The following ARID4B variants were observed in gnomAD, a reference collection of about 807,000 sequenced individuals.
ARID4B encodes the protein AT-rich interactive domain-containing protein 4B.
Under a neutral mutation model 147.5 loss-of-function variants are expected in ARID4B, and 26 were observed. The observed-to-expected ratio is 0.18, with a 90% CI of 0.13 to 0.24. The LOEUF is 0.24. Ranked by LOEUF, ARID4B falls within the 10% of genes least tolerant of loss-of-function variation. ARID4B has a pLI of 1.00. For missense variants in ARID4B, 1,179 were observed against 1,511.5 expected (o/e 0.78, Z 3.65); for synonymous variants, 512 against 507.9 (o/e 1.01, Z -0.11).
At chr1:235,311,819 C>G (rs1674074489) in intron 2 of ARID4B, among the ~76,000 whole-genome samples, 1 of 152,008 alleles carries the variant, frequency 6.6e-6, no homozygotes, top group Admixed American at 6.6e-5. Flanking sequence ...AAAACAGTAC[C>G]TACTGAATAC....
In ARID4B at chr1:235,208,769, G is replaced by A. The variant is rs907232750; in HGVS notation, c.1841+5000C>T. ...CAACCTCAGGTGATCCGCCCACCTC[G>A]GCCTCCCAAAGTGCTGGGATTACAG... On this transcript the variant is annotated intron_variant, in intron 17 of 23. Coordinates refer to ENST00000264183, the MANE Select transcript of ARID4B (RefSeq NM_016374.6). 3.9e-5 allele frequency among the ~76,000 whole-genome samples: 6 copies of A among 152,082 alleles called. No individual in the cohort carries two copies. The South Asian group carries it at 6.2e-4, about 16-fold the overall frequency.
intron 2 of ARID4B, among the ~76,000 whole-genome samples, chr1:235,282,775 TTTTATTTA>T (rs768251794): frequency 6.6e-6 from 1 of 152,044 alleles, no homozygotes; most frequent in Non-Finnish European, 1.5e-5. Flanking sequence ...TACTATTTAA[TTTTATTTA>T]TTTATTTATT....
intron 22 of ARID4B, 99 bp from the exon 23 acceptor site, chr1:235,172,863 C>G: frequency 1.0e-6 from 1 of 993,824 alleles, no homozygotes; most frequent in Non-Finnish European, 1.4e-6. Context: ...AAGGTTGAGG[C>G]AGATGAACTA....
In ARID4B at chr1:235,196,074, G is replaced by C; in HGVS notation, c.1883C>G (p.Ala628Gly). 6.2e-7 allele frequency: 1 copy of C among 1,600,038 alleles called. No homozygotes were observed. The stretch of plus-strand genomic sequence containing the variant: ...TTTTATCTTTGGCACATTTTTATCA[G>C]CAGGTCTTACTATTTTATCTGCTTT... ...WIKADKIVRP[A>G]DKNVPKIKHR... Residue 628 changes from alanine to glycine, a missense_variant, in exon 18 of 24, where the codon GCT becomes GGT. Transcript: ENST00000264183.
chr1:235,255,228 T>TATAG (rs1558250463), intron 5 of ARID4B, among the ~76,000 whole-genome samples: 3 of 100,658 alleles, frequency 3.0e-5, no homozygotes, highest in Non-Finnish European at 6.4e-5. Flanking sequence ...GCTAGATAGA[T>TATAG]AGATAGATAG....
chr1:235,255,837 C>T, intron 4 of ARID4B, 87 bp from the exon 5 acceptor site: 2 of 827,132 alleles, frequency 2.4e-6, no homozygotes, highest in East Asian at 2.8e-5. Context: ...TAACTGAGTG[C>T]ATGATGGTGA....
At chr1:235,210,218 C>G (rs180834742) in intron 17 of ARID4B, among the ~76,000 whole-genome samples, 71 of 152,122 alleles carry the variant, frequency 4.7e-4, no homozygotes, top group African/African-American at 1.6e-3. Flanking sequence ...GAACAAGGTC[C>G]TGTCTGTCTC....
chr1:235,296,868 A>AAAGAGGGAGGGAG (rs1553314013), intron 2 of ARID4B, among the ~76,000 whole-genome samples: 8 of 144,628 alleles, frequency 5.5e-5, no homozygotes, highest in East Asian at 2.0e-4. Context: ...GAAGGGAGAG[A>AAAGAGGGAGGGAG]GTACTTCCTG....
intron 2 of ARID4B, among the ~76,000 whole-genome samples, chr1:235,300,459 T>C (rs1673039880): frequency 6.6e-6 from 1 of 151,678 alleles, no homozygotes; most frequent in African/African-American, 2.4e-5. Context: ...AGGTCAAAAT[T>C]GAGTTCAACT....
chr1:235,212,808 C>G (rs1290234341), intron 17 of ARID4B, among the ~76,000 whole-genome samples: 1 of 152,100 alleles, frequency 6.6e-6, no homozygotes, highest in African/African-American at 2.4e-5. Flanking sequence ...TTGCAACACT[C>G]AAACACAGAA....
Position 235,172,691 on chromosome 1 carries a change from A to C in ARID4B, c.3738T>G (p.His1246Gln). 1.2e-6 allele frequency: 2 copies of C among 1,607,612 alleles called. No homozygotes were observed. The highest frequency in any genetic ancestry group is 8.5e-7 in the Non-Finnish European group (1 of 1,177,208). Residue 1246 changes from histidine (H) to glutamine (Q), a missense_variant, in exon 23 of 24, where the codon CAT becomes CAG. His to Gln is a conservative substitution (Grantham distance 24, BLOSUM62 0). Around this residue, in one of 10 missense-constraint regions of ARID4B, gnomAD observed 357 missense variants for 427.3 expected, o/e 0.84. Coordinates refer to ENST00000264183, the MANE Select transcript of ARID4B (RefSeq NM_016374.6). ...CTACTTCAGATTTTAATGACAGATAATGTTTTCTGATTTCTTGAAGTTTTT... is the reference window on the plus strand; with the variant it reads ...CTACTTCAGATTTTAATGACAGATACTGTTTTCTGATTTCTTGAAGTTTTT... ...LQEKLQEIRK[H>Q]YLSLKSEVAS...
At chr1:235,208,222 A>G (rs1666455203) in intron 17 of ARID4B, among the ~76,000 whole-genome samples, 1 of 152,234 alleles carries the variant, frequency 6.6e-6, no homozygotes, top group Non-Finnish European at 1.5e-5. Context: ...AAGAAATCCA[A>G]CACACTCAAC....
intron 2 of ARID4B, among the ~76,000 whole-genome samples, chr1:235,298,697 G>T (rs542691142): frequency 6.6e-6 from 1 of 151,770 alleles, no homozygotes; most frequent in Non-Finnish European, 1.5e-5. Flanking sequence ...TACATATAGC[G>T]TTTCATTCTA....
At chr1:235,277,594 T>TTG (rs71576468) in intron 2 of ARID4B, among the ~76,000 whole-genome samples, 1,630 of 129,554 alleles carry the variant, frequency 0.013, 33 homozygotes, top group African/African-American at 0.042. Context: ...ATGCCTTATA[T>TTG]TGTGTGTGTG....
chr1:235,296,691 C>T (rs2103229299), intron 2 of ARID4B, among the ~76,000 whole-genome samples: 1 of 150,216 alleles, frequency 6.7e-6, no homozygotes, highest in South Asian at 2.1e-4. Context: ...AACTCCTGGG[C>T]TCAAGTGATC....
chr1:235,327,031 G>T, intron 1 of ARID4B, 63 bp from the exon 2 acceptor site: 1 of 1,188,714 alleles, frequency 8.4e-7, no homozygotes, highest in Non-Finnish European at 1.2e-6. Context: ...TGGCGGAGGC[G>T]GAGGGAAAGA....
intron 22 of ARID4B, among the ~76,000 whole-genome samples, chr1:235,173,852 T>G (rs1663646984): frequency 7.6e-6 from 1 of 131,286 alleles, no homozygotes; most frequent in African/African-American, 2.8e-5. Flanking sequence ...TTTTTTTAAA[T>G]GAAGATTTAT....
chr1:235,210,873 T>G (rs1263167074), intron 17 of ARID4B, among the ~76,000 whole-genome samples: 1 of 136,048 alleles, frequency 7.4e-6, no homozygotes, highest in Non-Finnish European at 1.7e-5. Flanking sequence ...ACTAAATTAC[T>G]AGAGATTCTT....
At chr1:235,286,803 T>C (rs896594826) in intron 2 of ARID4B, among the ~76,000 whole-genome samples, 5 of 152,164 alleles carry the variant, frequency 3.3e-5, no homozygotes, top group Non-Finnish European at 5.9e-5. Flanking sequence ...GAAAAACAGA[T>C]ACCAATGTAC....
Sources: gnomAD v4.1 joint callset for allele counts (sites outside exome capture counted in the v4.1 genomes callset) on GRCh38, gnomAD v4.1.1 for gene constraint, gnomAD v4.1.1 regional missense constraint, MANE v1.5 for transcripts, NCBI Gene and HGNC (gene_info 2026-07-23, HGNC 2026-07-21) for gene names.